CALML4: variants seen among roughly 807,000 people sequenced by gnomAD.
CALML4 encodes the protein calmodulin like 4.
In CALML4, 16 loss-of-function variants were observed where a neutral mutation model predicts 17.9. That is an observed-to-expected ratio of 0.89 (90% CI 0.61 to 1.36). The LOEUF (loss-of-function observed/expected upper bound fraction) is 1.36. Among genes scored for constraint, CALML4 ranks in the 40% most tolerant of loss-of-function variants. The pLI, the probability that CALML4 is intolerant of heterozygous loss-of-function variation, is 0.00. For synonymous variants in CALML4, 86 were observed against 71.5 expected, an observed-to-expected ratio of 1.20 and a Z score of -1.02; for missense variants, 203 against 194.8, an observed-to-expected ratio of 1.04 and a Z score of -0.25.
chr15:68,200,551 A>T lies in CALML4; in HGVS notation c.35-870T>A, dbSNP rs1479061555. On this transcript the variant is annotated intron_variant, in intron 2 of 4. Coordinates refer to ENST00000467889, the MANE Select transcript of CALML4 (RefSeq NM_033429.3). The surrounding 1 kb of genome is among the most constrained non-coding windows in gnomAD (Gnocchi z 4.3). The stretch of plus-strand genomic sequence containing the variant: ...GAAGGCCAGCTGGGAGTTCAGGAAA[A>T]GTCCCTGAACCGCACTGACTGAGCA... Among the ~76,000 whole-genome samples the T allele has an allele frequency of 6.6e-6, 1 of 152,160 alleles. No homozygotes were observed. The highest frequency in any genetic ancestry group is 1.5e-5 in the Non-Finnish European group (1 of 68,022).
Position 68,193,683 on chromosome 15 carries a change from G to C in CALML4, c.*332C>G, listed in dbSNP as rs1183153790. ...AATCCAGCTTGTGTGGGGGGGCTTT[G>C]AGGAGTGAAATGATTTGCCCAAAGT... On this transcript the variant is annotated 3_prime_UTR_variant, in exon 5 of 5. Transcript: ENST00000467889. The C allele has an allele frequency of 7.9e-6, 2 of 252,406 alleles. No individual in the cohort carries two copies. Among genetic ancestry groups the C allele is most frequent in the African/African-American group, 4.4e-5 (2 of 45,018 alleles). 15.6% of individuals were successfully genotyped at this position (252,406 alleles called of 1,614,324 possible).
At chr15:68,203,387 G>C (rs538070295) in intron 2 of CALML4, among the ~76,000 whole-genome samples, 1 of 152,328 alleles carries the variant, frequency 6.6e-6, no homozygotes, top group South Asian at 2.1e-4. Flanking sequence ...GTGATCTACT[G>C]TTAAACTATT....
intron 4 of CALML4, among the ~76,000 whole-genome samples, chr15:68,194,864 C>T (rs1161485718): frequency 1.3e-5 from 2 of 151,588 alleles, no homozygotes; most frequent in Non-Finnish European, 1.5e-5. Flanking sequence ...TAAGCCGGTG[C>T]TCCTCACCAC....
Position 68,205,297 on chromosome 15 carries a change from TCA to T in CALML4, c.-52_-51del. 1 of 1,614,102 alleles carries T rather than the reference TCA, an allele frequency of 6.2e-7. No individual in the cohort carries two copies. The highest frequency in any genetic ancestry group is 8.5e-7 in the Non-Finnish European group (1 of 1,180,010). The stretch of plus-strand genomic sequence containing the variant: ...GGGCTTGCTGCTCCCAGAACCGCGT[TCA>T]GTTCCCTTTCCTCCAGCCTCAAGTC... On this transcript the variant is annotated 5_prime_UTR_variant, in exon 1 of 5. Transcript: ENST00000467889. This position sits in a 1 kb window ranked among gnomAD's most constrained non-coding sequence, Gnocchi z 4.8.
intron 2 of CALML4, among the ~76,000 whole-genome samples, chr15:68,202,725 C>T (rs1222844395): frequency 1.3e-5 from 2 of 150,452 alleles, no homozygotes; most frequent in African/African-American, 4.9e-5. Context: ...CTCACTGCAG[C>T]CTCCACCTCC....
At chr15:68,205,376 T>TA (rs775495750), upstream of CALML4, 1 of 1,613,686 alleles carries the variant, frequency 6.2e-7, no homozygotes, top group Non-Finnish European at 8.5e-7. The surrounding 1 kb of genome is among the most constrained non-coding windows in gnomAD (Gnocchi z 4.8). Context: ...TCGGCTGCCA[T>TA]GGAGACTGGG....
chr15:68,205,157 G>A lies in CALML4; in HGVS notation c.4-6C>T, dbSNP rs1374975154. The A allele has an allele frequency of 1.2e-6, 2 of 1,614,046 alleles. No individual in the cohort carries two copies. The highest frequency in any genetic ancestry group is 1.7e-5 in the Admixed American group (1 of 60,000). On this transcript the variant is annotated splice_polypyrimidine_tract_variant and splice_region_variant and intron_variant, in intron 1 of 4. Coordinates refer to ENST00000467889, the MANE Select transcript of CALML4 (RefSeq NM_033429.3). The surrounding 1 kb of genome is among the most constrained non-coding windows in gnomAD (Gnocchi z 4.8). ...TCTTGGGAAAGAAACTTGGCCTGCA[G>A]CAGAGAAAGGAAAACAGTCAGGGGA... is the stretch of plus-strand genomic sequence containing the variant.
Position 68,199,618 on chromosome 15 carries a change from AGGTCGGT to A in CALML4, c.91_97del (p.Thr31SerfsTer5), listed in dbSNP as rs755313640. 8.7e-6 allele frequency: 14 copies of A among 1,613,400 alleles called. No homozygotes were observed. Among genetic ancestry groups the A allele is most frequent in the Non-Finnish European group, 1.1e-5 (13 of 1,179,900 alleles). The stretch of plus-strand genomic sequence containing the variant: ...CCCCAGGCACCTCATGGCCACCATG[AGGTCGGT>A]GGCTTTTATCTTCCCCCTCTGCTGC... On this transcript the variant is annotated frameshift_variant, in exon 3 of 5. Coordinates refer to ENST00000467889, the MANE Select transcript of CALML4 (RefSeq NM_033429.3). LOFTEE classifies it high-confidence loss of function.
chr15:68,193,928 T>C lies in CALML4; in HGVS notation c.*87A>G. 1 of 881,864 alleles carries C rather than the reference T, an allele frequency of 1.1e-6. No individual in the cohort carries two copies. The highest frequency in any genetic ancestry group is 1.8e-6 in the Non-Finnish European group (1 of 549,298). The allele number at this position is 881,864 out of a possible 1,614,324, so 54.6% of individuals were successfully genotyped here. On this transcript the variant is annotated 3_prime_UTR_variant, in exon 5 of 5. Coordinates refer to ENST00000467889, the MANE Select transcript of CALML4 (RefSeq NM_033429.3). ...TGTTGTCTTGCCACTGTGTTTGCCA[T>C]CTCTCCCAAGTGAAAAGAACACTTT...
intron 2 of CALML4, among the ~76,000 whole-genome samples, chr15:68,201,162 T>C (rs191137718): frequency 1.2e-4 from 19 of 152,164 alleles, no homozygotes; most frequent in Admixed American, 4.6e-4. Flanking sequence ...GCGGCCTTTG[T>C]GGAGAGACTG....
chr15:68,195,253 A>G (rs1328813490), intron 4 of CALML4, among the ~76,000 whole-genome samples: 4 of 152,106 alleles, frequency 2.6e-5, no homozygotes, highest in Non-Finnish European at 5.9e-5. Flanking sequence ...TACCTTCCAC[A>G]CACACACCTC....
In CALML4 at chr15:68,205,298, C is replaced by T; in HGVS notation, c.-51G>A. The T allele has an allele frequency of 6.2e-7, 1 of 1,614,164 alleles. No individual in the cohort carries two copies. Among genetic ancestry groups the T allele is most frequent in the Non-Finnish European group, 8.5e-7 (1 of 1,180,036 alleles). ...GGCTTGCTGCTCCCAGAACCGCGTT[C>T]AGTTCCCTTTCCTCCAGCCTCAAGT... On this transcript the variant is annotated 5_prime_UTR_variant, in exon 1 of 5. Transcript: ENST00000467889. This position sits in a 1 kb window ranked among gnomAD's most constrained non-coding sequence, Gnocchi z 4.8.
At chr15:68,194,948 A>AATGTT (rs972853094) in intron 4 of CALML4, among the ~76,000 whole-genome samples, 3 of 150,426 alleles carry the variant, frequency 2.0e-5, no homozygotes, top group South Asian at 2.1e-4. Flanking sequence ...AAAAAAAAAA[A>AATGTT]TGTTTGGGGG....
rs896496033 is a variant in CALML4 at position 68,193,932 on chromosome 15, T to C, written c.*83A>G. ...GTCTTGCCACTGTGTTTGCCATCTC[T>C]CCCAAGTGAAAAGAACACTTTTTAA... On this transcript the variant is annotated 3_prime_UTR_variant, in exon 5 of 5. Transcript: ENST00000467889. 1 of 936,348 alleles carries C rather than the reference T, an allele frequency of 1.1e-6. No individual in the cohort carries two copies. Among genetic ancestry groups the C allele is most frequent in the Admixed American group, 2.1e-5 (1 of 47,436 alleles). 58.0% of individuals were successfully genotyped at this position (936,348 alleles called of 1,614,324 possible).
At position 68,201,576 on chromosome 15, in the gene CALML4, C is replaced by A. The variant is rs867149923; in HGVS notation, c.35-1895G>T. On this transcript the variant is annotated intron_variant, in intron 2 of 4. Transcript: ENST00000467889. Reference sequence around the variant, plus strand: ...CCTGTGCTGGAAGGTGCTCATCACACCCTTGGGGTCCAGAATCAGCCTGGA... The same window carrying A: ...CCTGTGCTGGAAGGTGCTCATCACAACCTTGGGGTCCAGAATCAGCCTGGA... Among the ~76,000 whole-genome samples the A allele has an allele frequency of 2.6e-5, 4 of 152,180 alleles. No individual in the cohort carries two copies. The South Asian group carries it at 6.2e-4, about 24-fold the overall frequency.
intron 4 of CALML4, among the ~76,000 whole-genome samples, chr15:68,194,884 C>A (rs1303757547): frequency 6.6e-6 from 1 of 151,218 alleles, no homozygotes; most frequent in Non-Finnish European, 1.5e-5. Flanking sequence ...CCTCTGCCCC[C>A]ACCCCAAGAG....
At position 68,190,988 on chromosome 15, in the gene CALML4, T is replaced by A. The variant is rs975670151; in HGVS notation, c.*3027A>T. ...AATTAATGTGGAAAGAGCATTTTTT[T>A]AGACAATTTCAATTTTAAACACATA... On this transcript the variant is annotated 3_prime_UTR_variant, in exon 5 of 5. Transcript: ENST00000467889. The surrounding 1 kb of genome is among the most constrained non-coding windows in gnomAD (Gnocchi z 4.7). 5 of 152,304 alleles carry A rather than the reference T, an allele frequency of 3.3e-5. No homozygotes were observed. The highest frequency in any genetic ancestry group is 2.1e-4 in the South Asian group (1 of 4,832). The allele number at this position is 152,304 out of a possible 1,614,324, so 9.4% of individuals were successfully genotyped here. A position where few individuals can be genotyped will look rare whatever the true frequency, so the allele number is the denominator to read the frequency against.
rs143397048 is a variant in CALML4 at position 68,202,040 on chromosome 15, A to C, written c.35-2359T>G. ...ACTGTTGTATGTAGCTCCAGGCACA[A>C]AGAAGGGACACAAACATTTGTTGAA... On this transcript the variant is annotated intron_variant, in intron 2 of 4. Transcript: ENST00000467889. 2.6e-4 allele frequency among the ~76,000 whole-genome samples: 39 copies of C among 152,368 alleles called. No individual in the cohort carries two copies. In the East Asian group the frequency reaches 3.9e-3, roughly 15 times the overall value.
In CALML4 at chr15:68,191,627, T is replaced by G. The variant is rs1326694180; in HGVS notation, c.*2388A>C. 6.6e-6 allele frequency: 1 copy of G among 152,652 alleles called. No individual in the cohort carries two copies. The highest frequency in any genetic ancestry group is 2.4e-5 in the African/African-American group (1 of 41,462). 9.5% of individuals were successfully genotyped at this position (152,652 alleles called of 1,614,324 possible). A position where few individuals can be genotyped will look rare whatever the true frequency, so the allele number is the denominator to read the frequency against. On this transcript the variant is annotated 3_prime_UTR_variant, in exon 5 of 5. Coordinates refer to ENST00000467889, the MANE Select transcript of CALML4 (RefSeq NM_033429.3). ...AGCATGCTTTGAGGTAAGTAATGAA[T>G]ATAGCCATCATTTCCCTTTCTTGTT...
Sources: gnomAD v4.1 joint callset for allele counts (sites outside exome capture counted in the v4.1 genomes callset) on GRCh38, gnomAD v4.1.1 for gene constraint, Gnocchi (gnomAD v3.1) non-coding constraint, MANE v1.5 for transcripts, NCBI Gene and HGNC (gene_info 2026-07-23, HGNC 2026-07-21) for gene names.